The following CSMD1 variants were observed in gnomAD, a reference collection of about 807,000 sequenced individuals.
CSMD1 encodes CUB and Sushi multiple domains 1.
A neutral mutation model predicts 417.5 loss-of-function variants in CSMD1; 213 were observed. That is an observed-to-expected ratio of 0.51 (90% CI 0.46 to 0.57). The LOEUF (loss-of-function observed/expected upper bound fraction) is 0.57, where lower values mean the gene tolerates loss of function less well. CSMD1 is among the 20% of genes least tolerant of loss of function. The pLI is 0.00. For missense variants in CSMD1, 6,923 were observed against 4,529.7 expected, an observed-to-expected ratio of 1.53 and a Z score of -15.17; for synonymous variants, 2,862 against 1,736.8, an observed-to-expected ratio of 1.65 and a Z score of -16.11.
At chr8:3,847,955 T>A (rs1024003066) in intron 5 of CSMD1, among the ~76,000 whole-genome samples, 1 of 152,176 alleles carries the variant, frequency 6.6e-6, no homozygotes, top group Non-Finnish European at 1.5e-5. Flanking sequence ...AAACAACCAA[T>A]GATTTTTATT....
intron 1 of CSMD1, among the ~76,000 whole-genome samples, chr8:4,737,734 T>G (rs6991226): frequency 0.19 from 28,182 of 152,142 alleles, 3,638 homozygotes; most frequent in African/African-American, 0.37. Flanking sequence ...GGTAATGGCT[T>G]AAATCAATGC....
At chr8:3,455,010 T>A (rs923219689) in intron 12 of CSMD1, among the ~76,000 whole-genome samples, 1 of 152,198 alleles carries the variant, frequency 6.6e-6, no homozygotes, top group Non-Finnish European at 1.5e-5. Context: ...TTTGTTTGTT[T>A]CTTTTTATTC....
intron 2 of CSMD1, among the ~76,000 whole-genome samples, chr8:4,587,910 C>T (rs893028327): frequency 6.6e-6 from 1 of 152,114 alleles, no homozygotes; most frequent in Non-Finnish European, 1.5e-5. Context: ...AGTGTGAATA[C>T]TTTTAAACTC....
intron 5 of CSMD1, among the ~76,000 whole-genome samples, chr8:3,852,857 A>C (rs539725717): frequency 6.6e-6 from 1 of 152,222 alleles, no homozygotes; most frequent in East Asian, 1.9e-4. Context: ...CTCTCAGCAG[A>C]ATCAATCCCT....
intron 29 of CSMD1, among the ~76,000 whole-genome samples, chr8:3,216,948 G>C (rs1047663522): frequency 6.6e-6 from 1 of 152,172 alleles, no homozygotes; most frequent in Non-Finnish European, 1.5e-5. Flanking sequence ...ACCAGGCTTA[G>C]ATGCAATCAC....
intron 1 of CSMD1, among the ~76,000 whole-genome samples, chr8:4,770,708 G>A (rs974796654): frequency 7.3e-6 from 1 of 136,408 alleles, no homozygotes; most frequent in African/African-American, 2.6e-5. Flanking sequence ...GGATACAATG[G>A]GGAAAGAATA....
chr8:3,937,406 G>A (rs557659823), intron 5 of CSMD1, among the ~76,000 whole-genome samples: 1 of 152,136 alleles, frequency 6.6e-6, no homozygotes, highest in South Asian at 2.1e-4. Flanking sequence ...TTAAGAAATT[G>A]CAAGTCACCT....
chr8:3,957,278 T>A (rs576212718), intron 5 of CSMD1, among the ~76,000 whole-genome samples: 1 of 152,304 alleles, frequency 6.6e-6, no homozygotes, highest in East Asian at 1.9e-4. Flanking sequence ...TGGGGATACA[T>A]GTACTTTTGT....
Position 3,406,205 on chromosome 8 carries a change from C to G in CSMD1, c.2088G>C (p.Glu696Asp), listed in dbSNP as rs934196434. 2 of 1,606,832 alleles carry G rather than the reference C, an allele frequency of 1.2e-6. No individual in the cohort carries two copies. Among genetic ancestry groups the G allele is most frequent in the Non-Finnish European group, 1.7e-6 (2 of 1,176,420 alleles). Residue 696 changes from glutamate (E) to aspartate (D), a missense_variant, in exon 15 of 70, where the codon GAG becomes GAC. Transcript: ENST00000635120. Reference protein sequence around the residue: ...NITYTTFGQNECHDPGIPING... With the variant: ...NITYTTFGQNDCHDPGIPING... Reference sequence around the variant, plus strand: ...TTATAGGAATGCCAGGATCATGGCACTCATTCTGACCAAATGCTGAAAGAA... The same window carrying G: ...TTATAGGAATGCCAGGATCATGGCAGTCATTCTGACCAAATGCTGAAAGAA...
intron 12 of CSMD1, among the ~76,000 whole-genome samples, chr8:3,451,915 C>G (rs1053825694): frequency 6.6e-6 from 1 of 152,168 alleles, no homozygotes; most frequent in Admixed American, 6.5e-5. Flanking sequence ...GCAGTATGGC[C>G]ATTTTCACGA....
At chr8:3,837,829 T>G (rs1324677920) in intron 5 of CSMD1, among the ~76,000 whole-genome samples, 1 of 152,168 alleles carries the variant, frequency 6.6e-6, no homozygotes, top group East Asian at 1.9e-4. Flanking sequence ...CTCTCTATAG[T>G]CGCAGGAAAT....
At chr8:3,758,810 T>C (rs994595856) in intron 5 of CSMD1, among the ~76,000 whole-genome samples, 1 of 152,042 alleles carries the variant, frequency 6.6e-6, no homozygotes, top group African/African-American at 2.4e-5. Flanking sequence ...TGCAGAACAA[T>C]GCGCTTACTG....
chr8:4,594,117 T>C (rs1800135620), intron 2 of CSMD1, among the ~76,000 whole-genome samples: 1 of 151,788 alleles, frequency 6.6e-6, no homozygotes, highest in Admixed American at 6.6e-5. Flanking sequence ...AGTTTCCCCT[T>C]TTTATAAGGA....
chr8:4,005,154 G>A (rs538873736), intron 4 of CSMD1, among the ~76,000 whole-genome samples: 109 of 152,256 alleles, frequency 7.2e-4, no homozygotes, highest in African/African-American at 2.5e-3. Context: ...TGGGAGTGGG[G>A]AAAGGGGATA....
intron 10 of CSMD1, among the ~76,000 whole-genome samples, chr8:3,539,592 A>G (rs1418234727): frequency 6.6e-6 from 1 of 152,160 alleles, no homozygotes; most frequent in Non-Finnish European, 1.5e-5. Flanking sequence ...CAAGAATTGA[A>G]GCGAAACACA....
chr8:4,911,005 C>T (rs969031035), intron 1 of CSMD1, among the ~76,000 whole-genome samples: 5 of 152,138 alleles, frequency 3.3e-5, no homozygotes, highest in African/African-American at 1.2e-4. Flanking sequence ...AATTTCCCTA[C>T]AAAAACTCTC....
chr8:4,075,648 A>T (rs1368972474), intron 3 of CSMD1, among the ~76,000 whole-genome samples: 1 of 152,136 alleles, frequency 6.6e-6, no homozygotes, highest in East Asian at 1.9e-4. Flanking sequence ...GTGTTGGGGA[A>T]ATTGTCTTGA....
intron 1 of CSMD1, among the ~76,000 whole-genome samples, chr8:4,956,920 T>G (rs74672140): frequency 6.6e-6 from 1 of 152,010 alleles, no homozygotes; most frequent in Admixed American, 6.6e-5. Flanking sequence ...TTTGTCCACA[T>G]TCAATTGCAC....
At chr8:4,745,716 T>C (rs1224264030) in intron 1 of CSMD1, among the ~76,000 whole-genome samples, 2 of 152,222 alleles carry the variant, frequency 1.3e-5, no homozygotes, top group African/African-American at 4.8e-5. Context: ...TATCATTAAC[T>C]TAGCATACTT....
Sources: allele counts gnomAD v4.1 joint callset (sites outside exome capture counted in the v4.1 genomes callset), GRCh38; gene constraint gnomAD v4.1.1; transcripts MANE v1.5; gene names NCBI Gene and HGNC (gene_info 2026-07-23, HGNC 2026-07-21).